Variants in SMYD3 observed in about 807,000 individuals in gnomAD.
SMYD3 encodes SET and MYND domain containing 3.
A neutral mutation model predicts 57.7 loss-of-function variants in SMYD3; 36 were observed. The ratio of observed to expected loss-of-function variants is 0.62; its 90% CI spans 0.48 to 0.82. The LOEUF is 0.82. SMYD3 is among the 40% of genes least tolerant of loss of function. The probability of loss-of-function intolerance (pLI) is 0.00; values close to 1 mark genes in which losing one functional copy is unlikely to be tolerated. For missense variants in SMYD3, 515 were observed against 538.8 expected, an observed-to-expected ratio of 0.96 and a Z score of 0.44; for synonymous variants, 211 against 195.0, an observed-to-expected ratio of 1.08 and a Z score of -0.68.
chr1:246,506,978 G>GCCCCCCCCACCCCCCCCCCC, intron 1 of SMYD3, 76 bp downstream of exon 1: 2 of 1,174,500 alleles, frequency 1.7e-6, no homozygotes, highest in Non-Finnish European at 2.2e-6. Context: ...CGCGGCTGCC[G>GCCCCCCCCACCCCCCCCCCC]GCCGCCCGAC....
At chr1:246,184,688 C>G (rs1451555346) in intron 5 of SMYD3, among the ~76,000 whole-genome samples, 1 of 152,080 alleles carries the variant, frequency 6.6e-6, no homozygotes. Context: ...CAGGTAGAGA[C>G]CAGAGAGCTC....
intron 5 of SMYD3, among the ~76,000 whole-genome samples, chr1:246,178,039 A>G (rs1042499268): frequency 6.6e-6 from 1 of 152,218 alleles, no homozygotes; most frequent in Admixed American, 6.5e-5. Flanking sequence ...ATGACACACA[A>G]GGTAATTTAA....
At chr1:246,057,809 C>T (rs768386466) in intron 5 of SMYD3, among the ~76,000 whole-genome samples, 3 of 152,332 alleles carry the variant, frequency 2.0e-5, no homozygotes, top group Non-Finnish European at 2.9e-5. Context: ...TGGATACTGA[C>T]AGCAGCTTTA....
intron 11 of SMYD3, among the ~76,000 whole-genome samples, chr1:245,758,798 T>C (rs1355372824): frequency 6.6e-6 from 1 of 152,238 alleles, no homozygotes; most frequent in African/African-American, 2.4e-5. Context: ...ATCTCTGTTA[T>C]CTTGGAATTG....
At chr1:246,387,176 G>A (rs768490652) in intron 1 of SMYD3, among the ~76,000 whole-genome samples, 12 of 152,086 alleles carry the variant, frequency 7.9e-5, no homozygotes, top group Non-Finnish European at 1.0e-4. Context: ...TCTAACCACC[G>A]CATGAGGCAA....
At chr1:245,966,349 C>T (rs968731436) in intron 5 of SMYD3, among the ~76,000 whole-genome samples, 3 of 152,036 alleles carry the variant, frequency 2.0e-5, no homozygotes, top group Admixed American at 1.3e-4. Context: ...TCAGTTTCTT[C>T]GTAGAGATGA....
intron 10 of SMYD3, among the ~76,000 whole-genome samples, chr1:245,775,160 C>A: frequency 6.6e-6 from 1 of 152,186 alleles, no homozygotes; most frequent in Non-Finnish European, 1.5e-5. Flanking sequence ...CCGGCAGCCG[C>A]CCCCTCCAAG....
intron 10 of SMYD3, among the ~76,000 whole-genome samples, chr1:245,781,978 AT>A (rs1369472789): frequency 6.6e-6 from 1 of 151,844 alleles, no homozygotes; most frequent in Non-Finnish European, 1.5e-5. Flanking sequence ...CAAAAAAAAA[AT>A]ATTAACTAAT....
chr1:245,803,914 T>TC (rs1553327152), intron 10 of SMYD3, among the ~76,000 whole-genome samples: 2 of 128,420 alleles, frequency 1.6e-5, no homozygotes, highest in East Asian at 2.8e-4. Context: ...TAAGTCAGTA[T>TC]TTTTTTTTTT....
chr1:245,775,004 G>C (rs1045757840), intron 10 of SMYD3, among the ~76,000 whole-genome samples: 74 of 150,364 alleles, frequency 4.9e-4, no homozygotes, highest in Middle Eastern at 3.5e-3. Flanking sequence ...TCACTCAGTG[G>C]TCAATGGTGC....
chr1:246,225,953 T>G (rs1209658720), intron 5 of SMYD3, among the ~76,000 whole-genome samples: 2 of 152,222 alleles, frequency 1.3e-5, no homozygotes, highest in Non-Finnish European at 2.9e-5. Flanking sequence ...GAAACTTCAT[T>G]ATGAATCCAA....
intron 5 of SMYD3, among the ~76,000 whole-genome samples, chr1:245,940,307 C>T (rs1218205674): frequency 2.0e-5 from 3 of 152,230 alleles, no homozygotes; most frequent in South Asian, 4.1e-4. Context: ...TTAAGCATAT[C>T]CCTCATCCTG....
At chr1:246,085,557 G>A (rs1305739677) in intron 5 of SMYD3, among the ~76,000 whole-genome samples, 1 of 152,098 alleles carries the variant, frequency 6.6e-6, no homozygotes, top group Non-Finnish European at 1.5e-5. Context: ...AACATGCAGT[G>A]ACATAGAGAC....
At chr1:246,345,353 T>G (rs981426634) in intron 2 of SMYD3, among the ~76,000 whole-genome samples, 9 of 152,200 alleles carry the variant, frequency 5.9e-5, no homozygotes, top group Admixed American at 2.6e-4. Context: ...TTGTTGAAAA[T>G]CAACTGGCCA....
chr1:246,505,299 C>CA (rs11436158), intron 1 of SMYD3, among the ~76,000 whole-genome samples: 71,145 of 151,848 alleles, frequency 0.47, 17,579 homozygotes, highest in African/African-American at 0.61. Flanking sequence ...ACCTCCCTCG[C>CA]GCTAGGGGTG....
chr1:246,460,311 T>C (rs1196099490), intron 1 of SMYD3, among the ~76,000 whole-genome samples: 1 of 152,232 alleles, frequency 6.6e-6, no homozygotes, highest in African/African-American at 2.4e-5. Flanking sequence ...CTCTAGCACT[T>C]AGTAACAGAA....
At chr1:245,987,752 A>C (rs563550308) in intron 5 of SMYD3, among the ~76,000 whole-genome samples, 112 of 152,334 alleles carry the variant, frequency 7.4e-4, no homozygotes, top group African/African-American at 2.5e-3. Flanking sequence ...GCACTTAAGC[A>C]CCACACTGGA....
chr1:246,390,356 G>A (rs997191034), intron 1 of SMYD3, among the ~76,000 whole-genome samples: 1 of 151,438 alleles, frequency 6.6e-6, no homozygotes, highest in African/African-American at 2.4e-5. Flanking sequence ...TTGGCTTAAG[G>A]TAAAAACCAT....
chr1:246,399,733 G>A (rs1033724278), intron 1 of SMYD3, among the ~76,000 whole-genome samples: 1 of 152,150 alleles, frequency 6.6e-6, no homozygotes, highest in African/African-American at 2.4e-5. Context: ...AGGAACTTAT[G>A]TCCTACCAAA....
Sources: allele counts gnomAD v4.1 joint callset (sites outside exome capture counted in the v4.1 genomes callset), GRCh38; gene constraint gnomAD v4.1.1; transcripts MANE v1.5; gene names NCBI Gene and HGNC (gene_info 2026-07-23, HGNC 2026-07-21).